The following PLA2R1 variants were observed in gnomAD, a reference collection of about 807,000 sequenced individuals.
PLA2R1 encodes the protein phospholipase A2 receptor 1.
In PLA2R1, 158 loss-of-function variants were observed where a neutral mutation model predicts 195.9. The ratio of observed to expected loss-of-function variants is 0.81; its 90% CI spans 0.71 to 0.92. PLA2R1 has a LOEUF of 0.92. PLA2R1 is among the 40% of genes least tolerant of loss of function. PLA2R1 has a pLI of 0.00. For missense variants in PLA2R1, 1,626 were observed against 1,764.6 expected (o/e 0.92, Z 1.41); for synonymous variants, 586 against 598.2 (o/e 0.98, Z 0.30).
At chr2:160,020,353 A>C in intron 7 of PLA2R1, 90 bp from the exon 8 acceptor site, 1 of 750,908 alleles carries the variant, frequency 1.3e-6, no homozygotes, top group Non-Finnish European at 2.2e-6. Context: ...ATACCACTTC[A>C]CATGTGATTT....
intron 6 of PLA2R1, among the ~76,000 whole-genome samples, chr2:160,025,915 T>C (rs771746380): frequency 1.3e-5 from 2 of 152,108 alleles, no homozygotes; most frequent in African/African-American, 2.4e-5. Flanking sequence ...GTAGCAGATA[T>C]GTAGGATGAA....
At chr2:160,059,451 C>T (rs1391669443) in intron 1 of PLA2R1, among the ~76,000 whole-genome samples, 2 of 152,152 alleles carry the variant, frequency 1.3e-5, no homozygotes, top group African/African-American at 2.4e-5. Context: ...AAGGACAACA[C>T]TTAGATGTGT....
chr2:160,062,035 C>G (rs1348056598), intron 1 of PLA2R1, among the ~76,000 whole-genome samples: 1 of 152,046 alleles, frequency 6.6e-6, no homozygotes, highest in Non-Finnish European at 1.5e-5. Context: ...GAGACCAAGC[C>G]CCCCCGCCCC....
intron 13 of PLA2R1, among the ~76,000 whole-genome samples, chr2:159,982,074 G>A (rs1689992616): frequency 6.6e-6 from 1 of 152,194 alleles, no homozygotes; most frequent in African/African-American, 2.4e-5. Flanking sequence ...AGAAATGACA[G>A]TGACATTTGA....
intron 11 of PLA2R1, among the ~76,000 whole-genome samples, chr2:160,001,123 T>C (rs1205779897): frequency 6.6e-6 from 1 of 152,048 alleles, no homozygotes; most frequent in Non-Finnish European, 1.5e-5. Context: ...TCTAAACAAA[T>C]ATTCATTGCA....
intron 8 of PLA2R1, 39 bp from the exon 9 acceptor site, chr2:160,016,751 G>C (rs988385943): frequency 1.1e-6 from 1 of 946,054 alleles, no homozygotes; most frequent in Admixed American, 1.8e-5. Flanking sequence ...AATACACTCT[G>C]TGCTGATACC....
intron 23 of PLA2R1, among the ~76,000 whole-genome samples, chr2:159,952,797 C>A (rs1687830217): frequency 6.6e-6 from 1 of 152,192 alleles, no homozygotes; most frequent in Non-Finnish European, 1.5e-5. Flanking sequence ...CTCTCCTCCT[C>A]CGGTCATACT....
At chr2:159,924,473 C>T in the PLA2R1 span, among the ~76,000 whole-genome samples, 4 of 152,114 alleles carry the variant, frequency 2.6e-5, no homozygotes, top group African/African-American at 7.2e-5. Flanking sequence ...TCCTGAGCTG[C>T]GAGGAGGCTG....
At chr2:160,054,638 T>C (rs1474044542) in intron 1 of PLA2R1, among the ~76,000 whole-genome samples, 1 of 152,236 alleles carries the variant, frequency 6.6e-6, no homozygotes, top group Non-Finnish European at 1.5e-5. Context: ...TAGCTCTGTG[T>C]CACAGAACCC....
intron 3 of PLA2R1, among the ~76,000 whole-genome samples, chr2:160,039,472 T>G (rs566408058): frequency 6.6e-6 from 1 of 152,238 alleles, no homozygotes; most frequent in South Asian, 2.1e-4. Context: ...TCATTTACAA[T>G]CAACTTTTTT....
intron 9 of PLA2R1, 102 bp from the exon 10 acceptor site, chr2:160,013,477 T>C (rs1451985571): frequency 1.7e-6 from 1 of 582,808 alleles, no homozygotes. Context: ...CTTTCTTCTC[T>C]TACTCCTTTA....
intron 20 of PLA2R1, among the ~76,000 whole-genome samples, chr2:159,957,317 G>T (rs1429760357): frequency 6.6e-6 from 1 of 152,122 alleles, no homozygotes; most frequent in African/African-American, 2.4e-5. Context: ...ATGCAAGAGA[G>T]AATCATGTCT....
At chr2:159,971,488 A>C (rs112535048) in intron 17 of PLA2R1, among the ~76,000 whole-genome samples, 1 of 71,868 alleles carries the variant, frequency 1.4e-5, no homozygotes, top group Non-Finnish European at 5.1e-5. Context: ...ACACACACAC[A>C]TACACACACA....
At position 160,041,894 on chromosome 2, in the gene PLA2R1, G is replaced by A. The variant is rs983269239; in HGVS notation, c.667+131C>T. 3 of 697,782 alleles carry A rather than the reference G, an allele frequency of 4.3e-6. No individual in the cohort carries two copies. In the Middle Eastern group the frequency reaches 1.0e-3, roughly 232 times the overall value. The allele number at this position is 697,782 out of a possible 1,614,324, so 43.2% of individuals were successfully genotyped here. On this transcript the variant is annotated intron_variant, in intron 3 of 29. Coordinates refer to ENST00000283243, the MANE Select transcript of PLA2R1 (RefSeq NM_007366.5). Reference sequence around the variant, plus strand: ...AAAAACAAACCCCAAATCAAAATCTGTGTTAATAGCATCAGGGTTCTTATT... The same window carrying A: ...AAAAACAAACCCCAAATCAAAATCTATGTTAATAGCATCAGGGTTCTTATT...
rs1183624124 is a variant in PLA2R1 at position 159,938,578 on chromosome 2, C to A, written c.*3200G>T. 6.6e-6 allele frequency: 1 copy of A among 152,396 alleles called. No individual in the cohort carries two copies. Among genetic ancestry groups the A allele is most frequent in the Non-Finnish European group, 1.5e-5 (1 of 68,228 alleles). 9.4% of individuals were successfully genotyped at this position (152,396 alleles called of 1,614,324 possible). On this transcript the variant is annotated 3_prime_UTR_variant, in exon 30 of 30. Coordinates refer to ENST00000283243, the MANE Select transcript of PLA2R1 (RefSeq NM_007366.5). ...GAGATAAGACAGCACCAGGGACAGC[C>A]AGAATGAGGCCAAATCAAAGAGAAC...
chr2:160,050,016 C>G (rs1256692282), intron 1 of PLA2R1, among the ~76,000 whole-genome samples: 1 of 151,988 alleles, frequency 6.6e-6, no homozygotes, highest in Non-Finnish European at 1.5e-5. Flanking sequence ...GGGCTTAATA[C>G]CTAGATGATG....
chr2:160,037,170 C>T (rs1694216647), intron 3 of PLA2R1, among the ~76,000 whole-genome samples: 2 of 152,204 alleles, frequency 1.3e-5, no homozygotes, highest in African/African-American at 2.4e-5. Context: ...TTGCTCTAGC[C>T]TTCTACCTGG....
intron 3 of PLA2R1, among the ~76,000 whole-genome samples, chr2:160,034,531 C>T (rs1397654403): frequency 6.6e-6 from 1 of 152,198 alleles, no homozygotes; most frequent in African/African-American, 2.4e-5. Context: ...CTGAGAAGGA[C>T]AATATACTAC....
chr2:159,957,178 A>C (rs1353436127), intron 20 of PLA2R1, among the ~76,000 whole-genome samples: 1 of 152,152 alleles, frequency 6.6e-6, no homozygotes, highest in Non-Finnish European at 1.5e-5. Context: ...AAATGATCCC[A>C]GTGGGACAGA....
Sources: gnomAD v4.1 joint callset for allele counts (sites outside exome capture counted in the v4.1 genomes callset) on GRCh38, gnomAD v4.1.1 for gene constraint, MANE v1.5 for transcripts, NCBI Gene and HGNC (gene_info 2026-07-23, HGNC 2026-07-21) for gene names.